Variants in LONRF2 observed in about 807,000 individuals in gnomAD.
LONRF2 encodes the protein LON peptidase N-terminal domain and RING finger protein 2.
In LONRF2, 35 loss-of-function variants were observed where a neutral mutation model predicts 66.6. The ratio of observed to expected loss-of-function variants is 0.53; its 90% CI spans 0.40 to 0.70. The LOEUF (loss-of-function observed/expected upper bound fraction) is 0.70, where lower values mean the gene tolerates loss of function less well. LONRF2 is among the 30% of genes least tolerant of loss of function. The pLI, the probability that LONRF2 is intolerant of heterozygous loss-of-function variation, is 0.00. For synonymous variants in LONRF2, 417 were observed against 418.1 expected, an observed-to-expected ratio of 1.00 and a Z score of 0.03; for missense variants, 902 against 1,002.1, an observed-to-expected ratio of 0.90 and a Z score of 1.35.
At chr2:100,315,353 T>C (rs1675485171) in intron 1 of LONRF2, among the ~76,000 whole-genome samples, 1 of 152,248 alleles carries the variant, frequency 6.6e-6, no homozygotes, top group African/African-American at 2.4e-5. Context: ...TCCTACATTC[T>C]TCTGGAGTTT....
intron 6 of LONRF2, 90 bp downstream of exon 6, chr2:100,299,136 C>T (rs1482499369): frequency 3.1e-6 from 3 of 978,198 alleles, no homozygotes; most frequent in Admixed American, 2.5e-5. Flanking sequence ...TCCCTAGTTT[C>T]CGTGATAATA....
chr2:100,284,630 A>C, intron 11 of LONRF2, 138 bp from the exon 12 acceptor site: 2 of 664,616 alleles, frequency 3.0e-6, no homozygotes, highest in Non-Finnish European at 4.8e-6. Context: ...TTCACAATTC[A>C]TTCAGCTCTC....
chr2:100,286,665 A>G (rs1012585163), intron 11 of LONRF2, among the ~76,000 whole-genome samples: 1 of 152,264 alleles, frequency 6.6e-6, no homozygotes, highest in Non-Finnish European at 1.5e-5. Flanking sequence ...AAAAGCTGAC[A>G]GCCAAGCAGA....
rs1230100530 is a variant in LONRF2 at position 100,321,760 on chromosome 2, G to T, written c.334C>A (p.Pro112Thr). The change falls in exon 1 of 12, where the codon CCG becomes ACG. Residue 112 changes from proline to threonine, a missense_variant. By Grantham distance (38) the Pro-to-Thr change is conservative. Around this residue, in one of 2 missense-constraint regions of LONRF2, gnomAD observed 585 missense variants for 569.9 expected, o/e 1.03. Transcript: ENST00000393437. ...CCGCCCGGGTTCTCCGCGGACAGCG[G>T]CCGGTCGCGCAGGCCCACGGCGCGC... ...LVRAVGLRDR[P>T]LSAENPGGEP... The T allele has an allele frequency of 1.2e-5, 13 of 1,042,644 alleles. No individual in the cohort carries two copies. The African/African-American group carries it at 1.9e-4, about 15-fold the overall frequency. 64.6% of individuals were successfully genotyped at this position (1,042,644 alleles called of 1,614,324 possible). A position where few individuals can be genotyped will look rare whatever the true frequency, so the allele number is the denominator to read the frequency against.
chr2:100,293,780 A>C (rs140498613), intron 9 of LONRF2, among the ~76,000 whole-genome samples: 1 of 152,168 alleles, frequency 6.6e-6, no homozygotes, highest in South Asian at 2.1e-4. Flanking sequence ...GGGTCTCCCT[A>C]TGCTGCCTAG....
intron 11 of LONRF2, among the ~76,000 whole-genome samples, chr2:100,285,012 T>C (rs920493064): frequency 3.3e-5 from 5 of 152,262 alleles, no homozygotes; most frequent in African/African-American, 1.2e-4. Flanking sequence ...ATAAGAATTA[T>C]TATGCCACCA....
intron 9 of LONRF2, among the ~76,000 whole-genome samples, chr2:100,293,518 C>T (rs1195838948): frequency 2.0e-5 from 3 of 152,144 alleles, no homozygotes; most frequent in Non-Finnish European, 2.9e-5. Context: ...AATGCAGTGA[C>T]CTCATCATGA....
chr2:100,320,618 C>T (rs1008657509), intron 1 of LONRF2, among the ~76,000 whole-genome samples: 6 of 152,148 alleles, frequency 3.9e-5, no homozygotes, highest in Admixed American at 3.9e-4. Flanking sequence ...ATCGTATATG[C>T]CCTATTATAA....
At chr2:100,296,911 C>T (rs1009413908) in intron 7 of LONRF2, among the ~76,000 whole-genome samples, 4 of 152,148 alleles carry the variant, frequency 2.6e-5, no homozygotes, top group East Asian at 1.9e-4. Flanking sequence ...CATGATGTGA[C>T]TCCCGCATTG....
At position 100,284,080 on chromosome 2, in the gene LONRF2, A is replaced by G. The variant is rs1674794541; in HGVS notation, c.*218T>C. The G allele has an allele frequency of 2.2e-6, 1 of 455,732 alleles. No individual in the cohort carries two copies. Among genetic ancestry groups the G allele is most frequent in the Non-Finnish European group, 3.9e-6 (1 of 256,668 alleles). The allele number at this position is 455,732 out of a possible 1,614,324, so 28.2% of individuals were successfully genotyped here. Reference sequence around the variant, plus strand: ...GATTTTCTTAGGTTGTTTTCCAACTATGGGCTCCATTCAGACTTCAGGCTA... The same window carrying G: ...GATTTTCTTAGGTTGTTTTCCAACTGTGGGCTCCATTCAGACTTCAGGCTA... On this transcript the variant is annotated 3_prime_UTR_variant, in exon 12 of 12. Coordinates refer to ENST00000393437, the MANE Select transcript of LONRF2 (RefSeq NM_198461.4).
chr2:100,293,247 T>A (rs11890655), intron 9 of LONRF2, among the ~76,000 whole-genome samples: 43,501 of 152,076 alleles, frequency 0.29, 7,337 homozygotes, highest in East Asian at 0.46. Flanking sequence ...ATTTCTCTCC[T>A]TTGATTCAGA....
At chr2:100,318,076 C>A (rs991434660) in intron 1 of LONRF2, among the ~76,000 whole-genome samples, 1 of 152,194 alleles carries the variant, frequency 6.6e-6, no homozygotes, top group Non-Finnish European at 1.5e-5. Flanking sequence ...CCTCTCTCTT[C>A]TTCCAGGATT....
At chr2:100,318,660 T>C (rs1452320946) in intron 1 of LONRF2, among the ~76,000 whole-genome samples, 1 of 149,724 alleles carries the variant, frequency 6.7e-6, no homozygotes, top group Non-Finnish European at 1.5e-5. Context: ...AACACGTCTC[T>C]ACTAAACACA....
intron 7 of LONRF2, among the ~76,000 whole-genome samples, chr2:100,297,774 T>C (rs966118992): frequency 4.6e-5 from 7 of 152,360 alleles, no homozygotes; most frequent in Admixed American, 3.3e-4. Flanking sequence ...ACGAGAACTC[T>C]GAAGAATTTA....
rs1172495762 is a variant in LONRF2, at chr2:100,278,707, GC to G, written c.*5590del. 1 of 152,212 alleles carries G rather than the reference GC, an allele frequency of 6.6e-6. No homozygotes were observed. Among genetic ancestry groups the G allele is most frequent in the Non-Finnish European group, 1.5e-5 (1 of 68,084 alleles). The allele number at this position is 152,212 out of a possible 1,614,324, so 9.4% of individuals were successfully genotyped here. On this transcript the variant is annotated 3_prime_UTR_variant, in exon 12 of 12. Coordinates refer to ENST00000393437, the MANE Select transcript of LONRF2 (RefSeq NM_198461.4). ...CTCACATCCCAGAAGACATTGCCCA[GC>G]CCAGCAGCTCACGGCTGAAGATGAC...
intron 3 of LONRF2, among the ~76,000 whole-genome samples, 186 bp from the exon 4 acceptor site, chr2:100,300,973 T>C (rs892744196): frequency 6.6e-6 from 1 of 152,216 alleles, no homozygotes. Context: ...TTTTAAGTTA[T>C]TTTAGCTTCC....
Position 100,322,417 on chromosome 2 carries a change from G to A in LONRF2, c.-324C>T, listed in dbSNP as rs1675660195. On this transcript the variant is annotated 5_prime_UTR_variant, in exon 1 of 12. Transcript: ENST00000393437. Reference sequence around the variant, plus strand: ...AGTCCCGCCGGCTTAGGTAACCCAGGTCGCTGCGGTAACGCAGTGACCGCG... The same window carrying A: ...AGTCCCGCCGGCTTAGGTAACCCAGATCGCTGCGGTAACGCAGTGACCGCG... 1 of 220,510 alleles carries A rather than the reference G, an allele frequency of 4.5e-6. No individual in the cohort carries two copies. Among genetic ancestry groups the A allele is most frequent in the Non-Finnish European group, 8.8e-6 (1 of 113,122 alleles). The allele number at this position is 220,510 out of a possible 1,614,324, so 13.7% of individuals were successfully genotyped here. A position where few individuals can be genotyped will look rare whatever the true frequency, so the allele number is the denominator to read the frequency against.
chr2:100,300,267 A>G (rs530255898), intron 4 of LONRF2, among the ~76,000 whole-genome samples: 1 of 139,094 alleles, frequency 7.2e-6, no homozygotes, highest in East Asian at 2.2e-4. Context: ...TTTTTAAATT[A>G]CACTTTAAGT....
At chr2:100,296,873 T>C (rs1675078433) in intron 7 of LONRF2, among the ~76,000 whole-genome samples, 1 of 152,232 alleles carries the variant, frequency 6.6e-6, no homozygotes, top group Admixed American at 6.5e-5. Context: ...TTCAGGTCCC[T>C]GGTAGTGCAT....
Sources: allele counts gnomAD v4.1 joint callset (sites outside exome capture counted in the v4.1 genomes callset), GRCh38; gene constraint gnomAD v4.1.1; regional missense constraint gnomAD v4.1.1; transcripts MANE v1.5; gene names NCBI Gene and HGNC (gene_info 2026-07-23, HGNC 2026-07-21).